The following JAK2 variants were observed in gnomAD, a reference collection of about 807,000 sequenced individuals.
The protein encoded by JAK2 is Janus kinase 2.
JAK2 carries 86 observed loss-of-function variants against 139.3 expected under a neutral mutation model. That is an observed-to-expected ratio of 0.62 (90% confidence interval 0.52 to 0.74). The LOEUF is 0.74. JAK2 is among the 30% of genes least tolerant of loss of function. The pLI is 0.00. For synonymous variants in JAK2, 490 were observed against 437.7 expected (o/e 1.12, Z -1.49); for missense variants, 1,421 against 1,360.3 (o/e 1.04, Z -0.70).
At chr9:5,009,470 C>A (rs930292334) in intron 2 of JAK2, among the ~76,000 whole-genome samples, 6 of 151,198 alleles carry the variant, frequency 4.0e-5, no homozygotes, top group Non-Finnish European at 7.4e-5. Flanking sequence ...TTTATTTATT[C>A]TCTGCTCCTT....
intron 22 of JAK2, chr9:5,094,297 C>G (rs1244050484): frequency 6.6e-6 from 1 of 152,146 alleles, no homozygotes. Flanking sequence ...ATCATTGCCT[C>G]CAACCCTGGC....
In JAK2 at chr9:5,090,585, G is replaced by C. The variant is rs1563994557; in HGVS notation, c.2886+15G>C. 1 of 1,554,340 alleles carries C rather than the reference G, an allele frequency of 6.4e-7. No homozygotes were observed. The highest frequency in any genetic ancestry group is 8.7e-7 in the Non-Finnish European group (1 of 1,153,092). On this transcript the variant is annotated intron_variant, in intron 21 of 24. Coordinates refer to ENST00000381652, the MANE Select transcript of JAK2 (RefSeq NM_004972.4). Reference sequence around the variant, plus strand: ...AGATATGCAAGGTAACTAATATCCTGATTATTTGCTGTAGATGAAGCAACC... The same window carrying C: ...AGATATGCAAGGTAACTAATATCCTCATTATTTGCTGTAGATGAAGCAACC...
In JAK2 at chr9:5,034,532, A is replaced by G. The variant is rs550105810; in HGVS notation, c.350+4626A>G. Among the ~76,000 whole-genome samples the G allele has an allele frequency of 1.3e-4, 20 of 152,190 alleles. 1 individual carries two copies. The East Asian group carries it at 3.7e-3, about 28-fold the overall frequency. On this transcript the variant is annotated intron_variant, in intron 4 of 24. Coordinates refer to ENST00000381652, the MANE Select transcript of JAK2 (RefSeq NM_004972.4). Reference sequence around the variant, plus strand: ...GTGTAAAAGAACAGAAATTATAACAAACTGTCTCTCAGACCACAGTGCAAT... The same window carrying G: ...GTGTAAAAGAACAGAAATTATAACAGACTGTCTCTCAGACCACAGTGCAAT...
chr9:5,040,227 T>C (rs892044432), intron 4 of JAK2, among the ~76,000 whole-genome samples: 3 of 151,746 alleles, frequency 2.0e-5, no homozygotes, highest in Non-Finnish European at 4.4e-5. Flanking sequence ...AAACTAACAG[T>C]GCGGGGACAA....
chr9:5,092,307 C>T (rs755670214), intron 22 of JAK2, among the ~76,000 whole-genome samples: 11 of 152,040 alleles, frequency 7.2e-5, no homozygotes, highest in South Asian at 2.1e-4. Context: ...TGTCACCCTC[C>T]GCAAATATCA....
chr9:5,066,297 T>C (rs1271587949), intron 9 of JAK2, among the ~76,000 whole-genome samples: 2 of 152,132 alleles, frequency 1.3e-5, no homozygotes, highest in Non-Finnish European at 1.5e-5. Flanking sequence ...GTAACTGCTA[T>C]GGTAGTAGAG....
In JAK2 at chr9:5,019,609, A is replaced by G. The variant is rs142890523; in HGVS notation, c.-25-2354A>G. ...AGATGTCATATTTCCCTATGTTCCC[A>G]TGTTTCTTGTGACCTTACTTCTTTG... On this transcript the variant is annotated intron_variant, in intron 2 of 24. Transcript: ENST00000381652. Among the ~76,000 whole-genome samples the G allele has an allele frequency of 1.8e-3, 280 of 152,198 alleles. 2 individuals carry two copies. Among genetic ancestry groups the G allele is most frequent in the African/African-American group, 6.5e-3 (268 of 41,530 alleles).
intron 2 of JAK2, among the ~76,000 whole-genome samples, chr9:5,008,997 C>T (rs1298962916): frequency 3.3e-5 from 5 of 152,038 alleles, no homozygotes; most frequent in South Asian, 2.1e-4. Flanking sequence ...TCCTTTGAGT[C>T]GTATTATTCA....
At chr9:5,001,367 CTAAT>C (rs1201266586) in intron 2 of JAK2, among the ~76,000 whole-genome samples, 1 of 152,054 alleles carries the variant, frequency 6.6e-6, no homozygotes, top group Non-Finnish European at 1.5e-5. Flanking sequence ...CCTTCTTTTT[CTAAT>C]TTATTTCCAG....
chr9:5,110,845 G>GA (rs1314134346), intron 22 of JAK2: 1 of 469,752 alleles, frequency 2.1e-6, no homozygotes, highest in East Asian at 5.2e-5. Flanking sequence ...GGAAGGTGGG[G>GA]GGGACGCTTC....
At chr9:5,089,604 A>AATT in intron 19 of JAK2, 70 bp from the exon 20 acceptor site, 1 of 648,046 alleles carries the variant, frequency 1.5e-6, no homozygotes, top group Non-Finnish European at 2.3e-6. Context: ...TTTTCTATAT[A>AATT]ATTATAAAAT....
At chr9:5,065,411 C>G (rs1818499747) in intron 9 of JAK2, among the ~76,000 whole-genome samples, 1 of 152,134 alleles carries the variant, frequency 6.6e-6, no homozygotes, top group Non-Finnish European at 1.5e-5. Context: ...TAGTCCATCT[C>G]CTTCTACTGA....
intron 3 of JAK2, among the ~76,000 whole-genome samples, chr9:5,028,813 C>T (rs10974922): frequency 0.39 from 58,626 of 152,040 alleles, 13,287 homozygotes; most frequent in African/African-American, 0.64. Flanking sequence ...TCAGCCTTCA[C>T]AGGTTTGAAG....
rs1156834777 is a variant in JAK2 at position 5,044,454 on chromosome 9, T to A, written c.402T>A (p.His134Gln). 1.2e-5 allele frequency: 19 copies of A among 1,613,428 alleles called. No homozygotes were observed. The highest frequency in any genetic ancestry group is 1.5e-5 in the Non-Finnish European group (18 of 1,179,658). ...GTGGCAGCAACAGAGCCTATCGGCATGGAATATCTCGAGGTGCTGAAGCTC... is the reference window on the plus strand; with the variant it reads ...GTGGCAGCAACAGAGCCTATCGGCAAGGAATATCTCGAGGTGCTGAAGCTC... The part of the protein sequence containing the change: ...YCSGSNRAYR[H>Q]GISRGAEAPL... The change falls in exon 5 of 25, where the codon CAT becomes CAA. Residue 134 changes from histidine (H) to glutamine (Q), a missense_variant. His to Gln is a conservative substitution (Grantham distance 24). Transcript: ENST00000381652.
chr9:5,087,668 G>C (rs1246190128), intron 19 of JAK2, among the ~76,000 whole-genome samples: 5 of 152,160 alleles, frequency 3.3e-5, no homozygotes, highest in Admixed American at 6.5e-5. Flanking sequence ...ATCATTGTTG[G>C]CAGGGATGTG....
chr9:5,079,492 C>A (rs1298993519), intron 16 of JAK2, among the ~76,000 whole-genome samples: 1 of 147,118 alleles, frequency 6.8e-6, no homozygotes, highest in Non-Finnish European at 1.5e-5. Context: ...GCTTGTTGGT[C>A]CTTGGGTTTT....
At chr9:5,078,659 T>A (rs1030978730) in intron 16 of JAK2, among the ~76,000 whole-genome samples, 4 of 152,186 alleles carry the variant, frequency 2.6e-5, no homozygotes, top group African/African-American at 9.6e-5. Context: ...GGTGATTTTT[T>A]AAAAACAGTT....
intron 22 of JAK2, among the ~76,000 whole-genome samples, chr9:5,115,725 G>GCAGC (rs1823100818): frequency 6.6e-6 from 1 of 152,194 alleles, no homozygotes. Context: ...GGAATACTAT[G>GCAGC]CAGCCATAAA....
At chr9:5,070,173 A>C in intron 12 of JAK2, 121 bp downstream of exon 12, 1 of 590,232 alleles carries the variant, frequency 1.7e-6, no homozygotes, top group African/African-American at 1.9e-5. Flanking sequence ...TTGTGATTTA[A>C]ATATTTTTCT....
Sources: gnomAD v4.1 joint callset for allele counts (sites outside exome capture counted in the v4.1 genomes callset) on GRCh38, gnomAD v4.1.1 for gene constraint, MANE v1.5 for transcripts, NCBI Gene and HGNC (gene_info 2026-07-23, HGNC 2026-07-21) for gene names.